Variants in DENND5A observed in about 807,000 individuals in gnomAD.
The protein encoded by DENND5A is DENN domain containing 5A.
Under a neutral mutation model 140.3 loss-of-function variants are expected in DENND5A, and 64 were observed. The ratio of observed to expected loss-of-function variants is 0.46; its 90% CI spans 0.37 to 0.56. The LOEUF is 0.56. DENND5A is among the 20% of genes least tolerant of loss of function. DENND5A has a pLI of 0.00. For synonymous variants in DENND5A, 605 were observed against 607.7 expected (o/e 1.00, Z 0.07); for missense variants, 1,292 against 1,593.8 (o/e 0.81, Z 3.22).
intron 1 of DENND5A, among the ~76,000 whole-genome samples, chr11:9,226,459 G>A (rs1334067122): frequency 6.6e-6 from 1 of 151,684 alleles, no homozygotes. Context: ...CTTGACAATG[G>A]GAAAAAAAAG....
At chr11:9,225,536 G>C (rs149523298) in intron 1 of DENND5A, among the ~76,000 whole-genome samples, 1 of 152,144 alleles carries the variant, frequency 6.6e-6, no homozygotes, top group Non-Finnish European at 1.5e-5. Context: ...GAAGCCAGCC[G>C]ATCACTTGTG....
intron 1 of DENND5A, among the ~76,000 whole-genome samples, chr11:9,255,124 C>T (rs1460919757): frequency 6.6e-6 from 1 of 151,992 alleles, no homozygotes; most frequent in Non-Finnish European, 1.5e-5. Context: ...TCTTTGTCTT[C>T]TAGGATATGC....
chr11:9,228,587 A>G (rs1850629580), intron 1 of DENND5A, among the ~76,000 whole-genome samples: 1 of 152,066 alleles, frequency 6.6e-6, no homozygotes, highest in Admixed American at 6.6e-5. Context: ...CATTTCTATT[A>G]AAAATACAAA....
At chr11:9,170,093 C>A in intron 9 of DENND5A, 144 bp from the exon 10 acceptor site, 1 of 812,712 alleles carries the variant, frequency 1.2e-6, no homozygotes, top group Non-Finnish European at 2.0e-6. Context: ...GCTCAGAGAC[C>A]TTGAGGAAGA....
At chr11:9,156,856 G>A (rs1847819752) in intron 12 of DENND5A, among the ~76,000 whole-genome samples, 1 of 143,216 alleles carries the variant, frequency 7.0e-6, no homozygotes. Flanking sequence ...GGGACAGAGG[G>A]ATGGAAGGAT....
intron 6 of DENND5A, among the ~76,000 whole-genome samples, chr11:9,180,062 G>A (rs1222938275): frequency 6.6e-6 from 1 of 152,100 alleles, no homozygotes; most frequent in Non-Finnish European, 1.5e-5. Flanking sequence ...ATTTAATCTT[G>A]GGCAAAACAC....
At chr11:9,260,236 G>A (rs971570392) in intron 1 of DENND5A, among the ~76,000 whole-genome samples, 2 of 151,972 alleles carry the variant, frequency 1.3e-5, no homozygotes, top group Non-Finnish European at 2.9e-5. Context: ...AATGCTAGGT[G>A]CAGATCAGTT....
intron 4 of DENND5A, among the ~76,000 whole-genome samples, chr11:9,194,551 A>G (rs563465095): frequency 6.6e-6 from 1 of 151,610 alleles, no homozygotes; most frequent in Non-Finnish European, 1.5e-5. Context: ...AGCCAGTGAC[A>G]GAGCTAGACT....
intron 1 of DENND5A, among the ~76,000 whole-genome samples, chr11:9,234,400 T>G (rs956588097): frequency 2.0e-5 from 3 of 152,096 alleles, no homozygotes; most frequent in Non-Finnish European, 2.9e-5. Context: ...GAGTAATTTT[T>G]TTTCAATCTA....
At chr11:9,164,729 A>C (rs1848127731) in intron 11 of DENND5A, among the ~76,000 whole-genome samples, 2 of 152,228 alleles carry the variant, frequency 1.3e-5, no homozygotes, top group Non-Finnish European at 2.9e-5. Flanking sequence ...TCTAGATATA[A>C]GATATCATTG....
At position 9,139,540 on chromosome 11, in the gene DENND5A, T is replaced by C. The variant is rs182966920; in HGVS notation, c.*131A>G. ...TAGATTATTTATTCCAAAAATCCTC[T>C]AGTTTTCTTTTTACAGTGAGTGTAC... On this transcript the variant is annotated 3_prime_UTR_variant, in exon 23 of 23. Transcript: ENST00000328194. The C allele has an allele frequency of 1.0e-4, 79 of 758,790 alleles. No homozygotes were observed. The East Asian group carries it at 2.0e-3, about 19-fold the overall frequency. 47.0% of individuals were successfully genotyped at this position (758,790 alleles called of 1,614,324 possible). A position where few individuals can be genotyped will look rare whatever the true frequency, so the allele number is the denominator to read the frequency against.
chr11:9,144,146 G>C lies in DENND5A; in HGVS notation c.3255C>G (p.Ser1085=), dbSNP rs1390565938. 6.2e-7 allele frequency: 1 copy of C among 1,614,146 alleles called. No individual in the cohort carries two copies. The highest frequency in any genetic ancestry group is 1.7e-5 in the Admixed American group (1 of 60,018). ...TAACAAGCCTCCGGATGACACTGGG[G>C]GACTGCTGCAGCGGCGGGGTCCGGC... The part of the protein sequence containing the change: ...RPCRTPPLQQ[S]PSVIRRLVTI... The change falls in exon 19 of 23, where the codon TCC becomes TCG. Residue 1085 remains serine, a synonymous_variant. Transcript: ENST00000328194.
At chr11:9,140,375 G>A in intron 22 of DENND5A, 1 of 436,576 alleles carries the variant, frequency 2.3e-6, no homozygotes, top group Non-Finnish European at 4.4e-6. Flanking sequence ...TCTGAACCTA[G>A]TGAATGCGGT....
At chr11:9,174,963 A>T (rs999448878) in intron 8 of DENND5A, among the ~76,000 whole-genome samples, 2 of 150,016 alleles carry the variant, frequency 1.3e-5, no homozygotes, top group Non-Finnish European at 3.0e-5. Context: ...GAAAAAAAAT[A>T]AATAAATAAG....
intron 9 of DENND5A, 52 bp downstream of exon 9, chr11:9,170,575 G>A: frequency 3.1e-6 from 5 of 1,600,242 alleles, no homozygotes; most frequent in South Asian, 2.2e-5. Flanking sequence ...GATACTAGAT[G>A]ACCCTATTAC....
chr11:9,261,987 C>T (rs1263393626), intron 1 of DENND5A, among the ~76,000 whole-genome samples: 2 of 152,060 alleles, frequency 1.3e-5, no homozygotes, highest in Non-Finnish European at 2.9e-5. Flanking sequence ...TTATACAACT[C>T]ATCCCCCTTT....
intron 8 of DENND5A, 53 bp downstream of exon 8, chr11:9,178,079 T>G: frequency 8.0e-7 from 1 of 1,244,172 alleles, no homozygotes; most frequent in Non-Finnish European, 1.2e-6. Flanking sequence ...AAAAGGGACA[T>G]GTTAATGCCA....
intron 1 of DENND5A, among the ~76,000 whole-genome samples, chr11:9,255,755 C>T (rs529521264): frequency 6.6e-6 from 1 of 152,112 alleles, no homozygotes; most frequent in Admixed American, 6.6e-5. Context: ...GTCCCAGCTA[C>T]TTGGGAGGCC....
intron 22 of DENND5A, among the ~76,000 whole-genome samples, chr11:9,141,070 G>A (rs1009164520): frequency 1.3e-5 from 2 of 150,798 alleles, no homozygotes; most frequent in African/African-American, 4.9e-5. Context: ...AGGTTGTGGT[G>A]AGCCGAGATC....
Sources: gnomAD v4.1 joint callset for allele counts (sites outside exome capture counted in the v4.1 genomes callset) on GRCh38, gnomAD v4.1.1 for gene constraint, MANE v1.5 for transcripts, NCBI Gene and HGNC (gene_info 2026-07-23, HGNC 2026-07-21) for gene names.